The following RUNX1 variants were observed in gnomAD, a reference collection of about 807,000 sequenced individuals.
The protein encoded by RUNX1 is runt-related transcription factor 1.
A neutral mutation model predicts 42.8 loss-of-function variants in RUNX1; 19 were observed. The observed-to-expected ratio is 0.44, with a 90% CI of 0.31 to 0.65. RUNX1 has a LOEUF of 0.65. Ranked by LOEUF, RUNX1 falls within the 30% of genes least tolerant of loss-of-function variation. The pLI is 0.07. For synonymous variants in RUNX1, 271 were observed against 289.4 expected (o/e 0.94, Z 0.64); for missense variants, 528 against 672.0 (o/e 0.79, Z 2.37).
At chr21:34,880,369 C>T (rs895545479) in intron 5 of RUNX1, among the ~76,000 whole-genome samples, 188 bp downstream of exon 5, 1 of 152,076 alleles carries the variant, frequency 6.6e-6, no homozygotes, top group Non-Finnish European at 1.5e-5. Context: ...TAACATAAAG[C>T]AATAATATAG....
intron 2 of RUNX1, among the ~76,000 whole-genome samples, chr21:34,918,661 G>C (rs2058330550): frequency 6.6e-6 from 1 of 152,178 alleles, no homozygotes; most frequent in Non-Finnish European, 1.5e-5. Context: ...TGTCATCCTA[G>C]CACTTTGGGA....
intron 2 of RUNX1, among the ~76,000 whole-genome samples, chr21:34,938,235 G>A (rs961236662): frequency 3.3e-5 from 5 of 152,152 alleles, no homozygotes; most frequent in Non-Finnish European, 7.4e-5. Flanking sequence ...CCCAGGAGAA[G>A]TAAAATTGTT....
intron 5 of RUNX1, 120 bp downstream of exon 5, chr21:34,880,437 A>G (rs1313307325): frequency 2.2e-6 from 2 of 896,856 alleles, no homozygotes; most frequent in Non-Finnish European, 3.6e-6. Flanking sequence ...TGACATAGCA[A>G]TAAGAATGTT....
In RUNX1 at chr21:34,962,433, C is replaced by T. The variant is rs527481740; in HGVS notation, c.59-69470G>A. Among the ~76,000 whole-genome samples the T allele has an allele frequency of 3.9e-5, 6 of 152,306 alleles. No individual in the cohort carries two copies. The South Asian group carries it at 1.0e-3, about 26-fold the overall frequency. On this transcript the variant is annotated intron_variant, in intron 2 of 8. Transcript: ENST00000675419. ...GCTTTTCATTCTCCTGTTAACTCTT[C>T]CCTTTTGCTAGCATATAAAAGATAA... is the stretch of plus-strand genomic sequence containing the variant.
In RUNX1 at chr21:34,875,734, C is replaced by T. The variant is rs548264649; in HGVS notation, c.508+4823G>A. ...ATTCAGATCATCTCTTGGTAACAAC[C>T]GCTACATAAAGCCAAGCCATGTCTC... On this transcript the variant is annotated intron_variant, in intron 5 of 8. Transcript: ENST00000675419. Among the ~76,000 whole-genome samples the T allele has an allele frequency of 6.6e-5, 10 of 152,238 alleles. No individual in the cohort carries two copies. The South Asian group carries it at 2.1e-3, about 32-fold the overall frequency.
In RUNX1 at chr21:34,978,699, G is replaced by A. The variant is rs137949435; in HGVS notation, c.58+70143C>T. Reference sequence around the variant, plus strand: ...CATTTTGTGAGCCAGATCAAGGCAAGGAAATTCCAATATTTATGAACAACT... The same window carrying A: ...CATTTTGTGAGCCAGATCAAGGCAAAGAAATTCCAATATTTATGAACAACT... On this transcript the variant is annotated intron_variant, in intron 2 of 8. Transcript: ENST00000675419. Among the ~76,000 whole-genome samples, 404 of 152,228 alleles carry A rather than the reference G, an allele frequency of 2.7e-3. 1 individual carries two copies. The highest frequency in any genetic ancestry group is 9.2e-3 in the African/African-American group (381 of 41,538).
chr21:34,920,626 A>G (rs2058346875), intron 2 of RUNX1, among the ~76,000 whole-genome samples: 1 of 152,220 alleles, frequency 6.6e-6, no homozygotes, highest in African/African-American at 2.4e-5. Context: ...AGTTCCTTAC[A>G]TAAAACCTAG....
At chr21:34,936,230 C>G (rs1265210661) in intron 2 of RUNX1, among the ~76,000 whole-genome samples, 1 of 151,932 alleles carries the variant, frequency 6.6e-6, no homozygotes, top group Non-Finnish European at 1.5e-5. Flanking sequence ...CGTTTCCCCC[C>G]TCATATTCAT....
At chr21:34,866,823 A>G (rs2057669862) in intron 5 of RUNX1, among the ~76,000 whole-genome samples, 1 of 152,216 alleles carries the variant, frequency 6.6e-6, no homozygotes, top group South Asian at 2.1e-4. Flanking sequence ...CTCACATCAC[A>G]CATGCAAAAT....
At chr21:34,800,816 T>C (rs2056597699) in intron 7 of RUNX1, among the ~76,000 whole-genome samples, 1 of 152,184 alleles carries the variant, frequency 6.6e-6, no homozygotes, top group Admixed American at 6.5e-5. Flanking sequence ...AAATAACTGA[T>C]TTTTTAAGTT....
At chr21:34,908,578 G>C (rs527724780) in intron 2 of RUNX1, among the ~76,000 whole-genome samples, 1 of 152,248 alleles carries the variant, frequency 6.6e-6, no homozygotes, top group South Asian at 2.1e-4. Flanking sequence ...TTGTGGACAG[G>C]GGGGTCGGGG....
Position 35,008,002 on chromosome 21 carries a change from C to T in RUNX1, c.58+40840G>A, listed in dbSNP as rs1168769264. Among the ~76,000 whole-genome samples the T allele has an allele frequency of 3.3e-5, 5 of 152,154 alleles. No homozygotes were observed. In the East Asian group the frequency reaches 5.8e-4, roughly 18 times the overall value. On this transcript the variant is annotated intron_variant, in intron 2 of 8. Coordinates refer to ENST00000675419, the MANE Select transcript of RUNX1 (RefSeq NM_001754.5). ...CCATTGCCTCCTCCCATCTACCCCA[C>T]GGCCACCACCCCTGGGCCATGCTAT...
intron 2 of RUNX1, among the ~76,000 whole-genome samples, chr21:34,944,595 T>A (rs1261881943): frequency 1.3e-5 from 2 of 152,184 alleles, no homozygotes; most frequent in Non-Finnish European, 2.9e-5. Flanking sequence ...CAAACTTGGT[T>A]CTCACAGTTC....
At chr21:34,817,437 G>A (rs1391654539) in intron 7 of RUNX1, among the ~76,000 whole-genome samples, 2 of 152,242 alleles carry the variant, frequency 1.3e-5, no homozygotes, top group East Asian at 1.9e-4. Context: ...CTGTTGTGTC[G>A]CTGAGGCCAA....
chr21:34,833,128 G>A (rs1467600027), intron 7 of RUNX1: 2 of 152,566 alleles, frequency 1.3e-5, no homozygotes, highest in Non-Finnish European at 2.9e-5. Flanking sequence ...TTTTGAGATG[G>A]AGTCTCGCTC....
chr21:35,045,273 T>C (rs552271019), intron 2 of RUNX1, among the ~76,000 whole-genome samples: 2 of 152,186 alleles, frequency 1.3e-5, no homozygotes, highest in East Asian at 3.9e-4. Flanking sequence ...GGAACTACAG[T>C]CTGATTCTTT....
At chr21:34,994,630 C>T (rs2058979120) in intron 2 of RUNX1, among the ~76,000 whole-genome samples, 2 of 151,824 alleles carry the variant, frequency 1.3e-5, no homozygotes, top group African/African-American at 4.8e-5. Context: ...CACCTAAATG[C>T]CTAGGTACCT....
intron 2 of RUNX1, among the ~76,000 whole-genome samples, chr21:35,036,485 A>G (rs1684630811): frequency 6.6e-6 from 1 of 152,160 alleles, no homozygotes; most frequent in African/African-American, 2.4e-5. Context: ...CCCCTCCAGA[A>G]AGGGAAGGAA....
chr21:34,895,606 G>A (rs1004654087), intron 2 of RUNX1, among the ~76,000 whole-genome samples: 2 of 152,060 alleles, frequency 1.3e-5, no homozygotes. Context: ...GTGGGGTGGG[G>A]AAATGGTGCT....
Sources: allele counts gnomAD v4.1 joint callset (sites outside exome capture counted in the v4.1 genomes callset), GRCh38; gene constraint gnomAD v4.1.1; transcripts MANE v1.5; gene names NCBI Gene and HGNC (gene_info 2026-07-23, HGNC 2026-07-21).